GABRA2: variants seen among roughly 807,000 people sequenced by gnomAD.
GABRA2 encodes gamma-aminobutyric acid type A receptor subunit alpha2.
Under a neutral mutation model 48.7 loss-of-function variants are expected in GABRA2, and 16 were observed. The ratio of observed to expected loss-of-function variants is 0.33; its 90% CI spans 0.22 to 0.50. The LOEUF (loss-of-function observed/expected upper bound fraction) is 0.50, where lower values mean the gene tolerates loss of function less well. Among genes scored for constraint, GABRA2 ranks in the 20% least tolerant of loss-of-function variants. The pLI, the probability that GABRA2 is intolerant of heterozygous loss-of-function variation, is 0.98. For missense variants in GABRA2, 275 were observed against 535.6 expected (o/e 0.51, Z 4.80); for synonymous variants, 185 against 184.5 (o/e 1.00, Z -0.02).
At chr4:46,314,976 C>T (rs183488275) in intron 4 of GABRA2, among the ~76,000 whole-genome samples, 3 of 151,986 alleles carry the variant, frequency 2.0e-5, no homozygotes, top group East Asian at 1.9e-4. Flanking sequence ...TTTGGTAAAA[C>T]GATTCATTTT....
chr4:46,326,697 A>G (rs151185856), intron 4 of GABRA2, among the ~76,000 whole-genome samples: 1,928 of 151,934 alleles, frequency 0.013, 21 homozygotes, highest in Non-Finnish European at 0.021. Flanking sequence ...TCCTTGTAAG[A>G]TTTTATGTAT....
At chr4:46,262,881 A>G (rs113888232) in intron 8 of GABRA2, among the ~76,000 whole-genome samples, 2 of 149,766 alleles carry the variant, frequency 1.3e-5, no homozygotes, top group Admixed American at 6.7e-5. Flanking sequence ...TGGGCGACAG[A>G]GCAAAAGTCC....
intron 7 of GABRA2, among the ~76,000 whole-genome samples, chr4:46,305,287 T>C (rs888601827): frequency 1.5e-5 from 2 of 136,344 alleles, no homozygotes; most frequent in African/African-American, 5.3e-5. Flanking sequence ...GGGGGAGGGA[T>C]AGCATTAGGA....
chr4:46,255,349 T>G (rs1178755925), intron 9 of GABRA2, among the ~76,000 whole-genome samples: 1 of 151,636 alleles, frequency 6.6e-6, no homozygotes, highest in Admixed American at 6.6e-5. Context: ...CAGAATTCAA[T>G]AGCTTATTCT....
intron 8 of GABRA2, among the ~76,000 whole-genome samples, chr4:46,282,467 G>T (rs1255237576): frequency 6.6e-6 from 1 of 152,128 alleles, no homozygotes; most frequent in African/African-American, 2.4e-5. Flanking sequence ...AACTTTACAT[G>T]GATTTTATTC....
chr4:46,389,925 T>C lies in GABRA2; in HGVS notation c.-201A>G, dbSNP rs1050772493. 2 of 977,370 alleles carry C rather than the reference T, an allele frequency of 2.0e-6. No homozygotes were observed. The highest frequency in any genetic ancestry group is 6.9e-5 in the Admixed American group (1 of 14,506). 60.5% of individuals were successfully genotyped at this position (977,370 alleles called of 1,614,324 possible). A position where few individuals can be genotyped will look rare whatever the true frequency, so the allele number is the denominator to read the frequency against. ...GCTGGTGGAAGCCGGAGAGGAGCGC[T>C]AGGAGCCGCGGCGGCGGCGCGAGGT... is the stretch of plus-strand genomic sequence containing the variant. On this transcript the variant is annotated 5_prime_UTR_variant, in exon 1 of 10. Coordinates refer to ENST00000381620, the MANE Select transcript of GABRA2 (RefSeq NM_000807.4).
At chr4:46,277,652 G>A (rs1260643721) in intron 8 of GABRA2, among the ~76,000 whole-genome samples, 1 of 152,122 alleles carries the variant, frequency 6.6e-6, no homozygotes, top group Non-Finnish European at 1.5e-5. Context: ...GTTTTGATCA[G>A]TTCTTACAGA....
At chr4:46,301,669 T>G (rs1011949753) in intron 8 of GABRA2, among the ~76,000 whole-genome samples, 1 of 152,194 alleles carries the variant, frequency 6.6e-6, no homozygotes, top group African/African-American at 2.4e-5. Context: ...AAATGGTAAC[T>G]CAGCCACTTA....
chr4:46,303,153 A>C, intron 8 of GABRA2: 1 of 203,970 alleles, frequency 4.9e-6, no homozygotes, highest in Non-Finnish European at 9.4e-6. Flanking sequence ...TTTTTGAGCA[A>C]AAAAAAAAAA....
At position 46,310,993 on chromosome 4, in the gene GABRA2, T is replaced by A. The variant is rs192841311; in HGVS notation, c.477-738A>T. ...ATAAAATTTATAGAGAAATCTGTTA[T>A]AATGAGCAAAGCAAATGTGACCACA... On this transcript the variant is annotated intron_variant, in intron 5 of 9. Coordinates refer to ENST00000381620, the MANE Select transcript of GABRA2 (RefSeq NM_000807.4). Among the ~76,000 whole-genome samples the A allele has an allele frequency of 7.6e-4, 115 of 152,310 alleles. 1 individual carries two copies. Among genetic ancestry groups the A allele is most frequent in the Middle Eastern group, 3.4e-3 (1 of 294 alleles).
Position 46,245,531 on chromosome 4 carries a change from A to C in GABRA2, c.*4777T>G, listed in dbSNP as rs1713559082. 6.6e-6 allele frequency among the ~76,000 whole-genome samples: 1 copy of C among 151,440 alleles called. No homozygotes were observed. The highest frequency in any genetic ancestry group is 1.5e-5 in the Non-Finnish European group (1 of 67,496). On this transcript the variant is annotated 3_prime_UTR_variant, in exon 10 of 10. Transcript: ENST00000381620. Reference sequence around the variant, plus strand: ...AACTCAAACCTAATTCTAATTAATAAGTTTGTTATGGATTTACTGAAAAAT... The same window carrying C: ...AACTCAAACCTAATTCTAATTAATACGTTTGTTATGGATTTACTGAAAAAT...
chr4:46,330,379 C>G (rs1349981292), intron 4 of GABRA2, among the ~76,000 whole-genome samples: 1 of 151,858 alleles, frequency 6.6e-6, no homozygotes, highest in Non-Finnish European at 1.5e-5. Flanking sequence ...AATACGTTAG[C>G]AATCCCAAAG....
intron 3 of GABRA2, among the ~76,000 whole-genome samples, chr4:46,339,995 TC>T (rs1344303788): frequency 6.6e-6 from 1 of 151,782 alleles, no homozygotes; most frequent in Non-Finnish European, 1.5e-5. Context: ...TTTACAGCCT[TC>T]CCTATTGTAT....
At chr4:46,377,348 G>GCCAT (rs1715918067) in intron 3 of GABRA2, among the ~76,000 whole-genome samples, 1 of 150,052 alleles carries the variant, frequency 6.7e-6, no homozygotes, top group Admixed American at 6.6e-5. Context: ...CTGCCCAGCC[G>GCCAT]CCCATCGTCT....
chr4:46,276,746 G>C (rs1720587860), intron 8 of GABRA2, among the ~76,000 whole-genome samples: 1 of 152,038 alleles, frequency 6.6e-6, no homozygotes, highest in Admixed American at 6.6e-5. Flanking sequence ...TAACACCTGT[G>C]TGTCTCAATG....
At chr4:46,266,451 G>A (rs1032836953) in intron 8 of GABRA2, among the ~76,000 whole-genome samples, 7 of 149,572 alleles carry the variant, frequency 4.7e-5, no homozygotes, top group Non-Finnish European at 8.9e-5. Context: ...ATCTTCCCAT[G>A]GCCTCTGGTC....
intron 6 of GABRA2, among the ~76,000 whole-genome samples, chr4:46,307,627 A>G (rs923927714): frequency 5.9e-5 from 9 of 152,100 alleles, no homozygotes; most frequent in Non-Finnish European, 8.8e-5. Flanking sequence ...CCTGATACAC[A>G]GAAGAAAAAG....
chr4:46,351,487 C>T (rs1302183098), intron 3 of GABRA2, among the ~76,000 whole-genome samples: 4 of 151,952 alleles, frequency 2.6e-5, no homozygotes, highest in Non-Finnish European at 5.9e-5. Context: ...TTACTTTATT[C>T]TAAATCTGTC....
chr4:46,386,155 T>C lies in GABRA2; in HGVS notation c.106A>G (p.Lys36Glu). The C allele has an allele frequency of 1.9e-6, 3 of 1,611,208 alleles. No homozygotes were observed. The highest frequency in any genetic ancestry group is 2.5e-6 in the Non-Finnish European group (3 of 1,178,890). The change falls in exon 3 of 10, where the codon AAA becomes GAA. Residue 36 changes from lysine (K) to glutamate (E), a missense_variant. Physicochemically the swap from Lys to Glu is moderately conservative, Grantham distance 56. This residue lies in a region of GABRA2 where 39 missense variants were observed against 40.5 expected (regional missense o/e 0.96). Coordinates refer to ENST00000381620, the MANE Select transcript of GABRA2 (RefSeq NM_000807.4). ...VLANIQEDEA[K>E]NNITIFTRIL... ...CTCGTAAAGATGGTAATGTTATTTT[T>C]AGCCTCATCTTCTTGGATGTTAGCC...
Sources: gnomAD v4.1 joint callset for allele counts (sites outside exome capture counted in the v4.1 genomes callset) on GRCh38, gnomAD v4.1.1 for gene constraint, gnomAD v4.1.1 regional missense constraint, MANE v1.5 for transcripts, NCBI Gene and HGNC (gene_info 2026-07-23, HGNC 2026-07-21) for gene names.